ADCK1: variants seen among roughly 807,000 people sequenced by gnomAD.
ADCK1 encodes aarF domain-containing protein kinase 1.
Under a neutral mutation model 52.3 loss-of-function variants are expected in ADCK1, and 41 were observed. That is an observed-to-expected ratio of 0.78 (90% CI 0.61 to 1.02). ADCK1 has a LOEUF of 1.02. Among genes scored for constraint, ADCK1 ranks in the 50% least tolerant of loss-of-function variants. The pLI, the probability that ADCK1 is intolerant of heterozygous loss-of-function variation, is 0.00. For missense variants in ADCK1, 658 were observed against 679.5 expected (o/e 0.97, Z 0.35); for synonymous variants, 250 against 274.6 (o/e 0.91, Z 0.89).
chr14:77,878,266 A>C (rs1431697361), intron 4 of ADCK1, among the ~76,000 whole-genome samples: 1 of 152,262 alleles, frequency 6.6e-6, no homozygotes, highest in Non-Finnish European at 1.5e-5. Flanking sequence ...TAAATGAGTG[A>C]TCCATAGCGA....
intron 3 of ADCK1, among the ~76,000 whole-genome samples, chr14:77,839,918 CAAAAAAAAA>C (rs10581300): frequency 1.4e-5 from 1 of 69,700 alleles, no homozygotes; most frequent in South Asian, 6.1e-4. Context: ...GACCCTGTCT[CAAAAAAAAA>C]AAAAAAAAAA....
At chr14:77,921,059 G>T (rs1048608511) in intron 7 of ADCK1, among the ~76,000 whole-genome samples, 41 of 150,950 alleles carry the variant, frequency 2.7e-4, no homozygotes, top group Non-Finnish European at 5.6e-4. Flanking sequence ...AGGCGCGGTG[G>T]CTCACGCCTG....
At chr14:77,897,886 G>T (rs924064899) in intron 5 of ADCK1, among the ~76,000 whole-genome samples, 2 of 152,188 alleles carry the variant, frequency 1.3e-5, no homozygotes, top group African/African-American at 4.8e-5. Flanking sequence ...CAGAGCAAGG[G>T]CTGTAGAGTT....
In ADCK1 at chr14:77,822,379, A is replaced by G. The variant is rs796772642; in HGVS notation, c.136-56A>G. Reference sequence around the variant, plus strand: ...GACCTGTACTGCAAGGTTTGGGCAGAGTAGTAGTACTTAATGTCCAGGTGC... The same window carrying G: ...GACCTGTACTGCAAGGTTTGGGCAGGGTAGTAGTACTTAATGTCCAGGTGC... On this transcript the variant is annotated intron_variant, in intron 2 of 10. Transcript: ENST00000238561. 6.3e-6 allele frequency: 9 copies of G among 1,421,650 alleles called. No homozygotes were observed. The African/African-American group carries it at 1.3e-4, about 20-fold the overall frequency. 88.1% of individuals were successfully genotyped at this position (1,421,650 alleles called of 1,614,324 possible). A position where few individuals can be genotyped will look rare whatever the true frequency, so the allele number is the denominator to read the frequency against.
intron 3 of ADCK1, among the ~76,000 whole-genome samples, chr14:77,835,658 C>T (rs572715863): frequency 6.6e-6 from 1 of 152,320 alleles, no homozygotes; most frequent in Admixed American, 6.5e-5. Flanking sequence ...TGGAAAGCCT[C>T]ACTCTGGTGT....
At chr14:77,870,642 C>T (rs1424947728) in intron 4 of ADCK1, among the ~76,000 whole-genome samples, 1 of 152,138 alleles carries the variant, frequency 6.6e-6, no homozygotes, top group Non-Finnish European at 1.5e-5. Context: ...ATTTTTTTCT[C>T]CCCTCAACAT....
intron 4 of ADCK1, among the ~76,000 whole-genome samples, chr14:77,867,367 C>T (rs1441296264): frequency 6.6e-6 from 1 of 152,170 alleles, no homozygotes; most frequent in African/African-American, 2.4e-5. Flanking sequence ...GGACTAGGGG[C>T]CAGGGAGTGG....
intron 7 of ADCK1, among the ~76,000 whole-genome samples, chr14:77,913,833 G>A (rs1336735915): frequency 6.6e-6 from 1 of 152,146 alleles, no homozygotes; most frequent in Non-Finnish European, 1.5e-5. Flanking sequence ...CACCAGCCTG[G>A]CTGTCCCAGA....
At chr14:77,835,989 G>A (rs771827314) in intron 3 of ADCK1, among the ~76,000 whole-genome samples, 10 of 152,174 alleles carry the variant, frequency 6.6e-5, no homozygotes, top group Non-Finnish European at 1.0e-4. Context: ...CTCCAAGTTC[G>A]TGTTTTAGAA....
intron 7 of ADCK1, among the ~76,000 whole-genome samples, chr14:77,916,737 T>C (rs2083934570): frequency 6.6e-6 from 1 of 152,186 alleles, no homozygotes; most frequent in Admixed American, 6.5e-5. Flanking sequence ...TTCCTCACTA[T>C]CTCTCCCGAC....
At chr14:77,807,595 C>T (rs1390412276) in intron 1 of ADCK1, among the ~76,000 whole-genome samples, 24 of 151,286 alleles carry the variant, frequency 1.6e-4, no homozygotes, top group Admixed American at 6.6e-4. Flanking sequence ...CTGCAATCTC[C>T]GCCTCTGGGG....
At chr14:77,931,220 C>T (rs940582389) in intron 9 of ADCK1, among the ~76,000 whole-genome samples, 3 of 152,162 alleles carry the variant, frequency 2.0e-5, no homozygotes, top group Non-Finnish European at 2.9e-5. Flanking sequence ...TCTAAAATTG[C>T]GGCCAGTGAA....
intron 1 of ADCK1, among the ~76,000 whole-genome samples, chr14:77,805,943 A>G (rs796508472): frequency 6.8e-5 from 10 of 148,132 alleles, no homozygotes; most frequent in African/African-American, 2.5e-4. Context: ...ACTATGCTAC[A>G]TTTTAGCAGA....
chr14:77,906,215 T>C (rs2083661376), intron 6 of ADCK1, among the ~76,000 whole-genome samples: 1 of 152,198 alleles, frequency 6.6e-6, no homozygotes, highest in African/African-American at 2.4e-5. Flanking sequence ...CACTATGTTA[T>C]TGCTAGATGA....
At chr14:77,839,659 G>A (rs1414744509) in intron 3 of ADCK1, among the ~76,000 whole-genome samples, 3 of 152,182 alleles carry the variant, frequency 2.0e-5, no homozygotes, top group Middle Eastern at 3.4e-3. Flanking sequence ...GATGGGGCCC[G>A]ATGTGGTGGC....
At chr14:77,844,596 C>T (rs1295798748) in intron 3 of ADCK1, among the ~76,000 whole-genome samples, 2 of 152,058 alleles carry the variant, frequency 1.3e-5, no homozygotes, top group Non-Finnish European at 2.9e-5. Flanking sequence ...GTCTGTGTAA[C>T]TCAGATTGGG....
intron 4 of ADCK1, among the ~76,000 whole-genome samples, chr14:77,867,478 T>TC (rs1375114831): frequency 1.3e-5 from 2 of 151,350 alleles, no homozygotes; most frequent in South Asian, 2.1e-4. Context: ...AAAACCCATT[T>TC]CCCCCCCAAT....
At chr14:77,870,842 C>G (rs116234970) in intron 4 of ADCK1, among the ~76,000 whole-genome samples, 1 of 152,338 alleles carries the variant, frequency 6.6e-6, no homozygotes, top group African/African-American at 2.4e-5. Context: ...GGCCTTCCCT[C>G]TCTTCTCCAG....
chr14:77,895,735 G>A (rs930894355), intron 5 of ADCK1, among the ~76,000 whole-genome samples: 30 of 152,120 alleles, frequency 2.0e-4, no homozygotes, highest in Admixed American at 1.7e-3. Context: ...GCAGCAGCCC[G>A]AACTACTTGA....
Sources: gnomAD v4.1 joint callset for allele counts (sites outside exome capture counted in the v4.1 genomes callset) on GRCh38, gnomAD v4.1.1 for gene constraint, MANE v1.5 for transcripts, NCBI Gene and HGNC (gene_info 2026-07-23, HGNC 2026-07-21) for gene names.